Variants in ABCA4 observed in about 807,000 individuals in gnomAD.
ABCA4 encodes the protein ATP binding cassette subfamily A member 4.
In ABCA4, 196 loss-of-function variants were observed where a neutral mutation model predicts 263.7. The ratio of observed to expected loss-of-function variants is 0.74; its 90% CI spans 0.66 to 0.84. ABCA4 has a LOEUF of 0.84. Ranked by LOEUF, ABCA4 falls within the 40% of genes least tolerant of loss-of-function variation. The pLI is 0.00. For missense variants in ABCA4, 2,792 were observed against 2,855.1 expected (o/e 0.98, Z 0.50); for synonymous variants, 1,133 against 1,094.2 (o/e 1.04, Z -0.70).
At chr1:94,120,908 A>ACCCCCCCCCC in intron 1 of ABCA4, 72 bp downstream of exon 1, 1 of 171,162 alleles carries the variant, frequency 5.8e-6, no homozygotes, top group African/African-American at 1.5e-4. Flanking sequence ...CTACCCCACC[A>ACCCCCCCCCC]CCCCACCCCA....
In ABCA4 at chr1:94,024,979, T is replaced by G. The variant is rs1401129783; in HGVS notation, c.4609A>C (p.Thr1537Pro). 1 of 1,614,140 alleles carries G rather than the reference T, an allele frequency of 6.2e-7. No homozygotes were observed. ...CTGCTTCTTATAAGAGCAGGATACG[T>G]TTTTACCAAGAAGTCGGAGATGTTC... ...DRNISDFLVK[T>P]YPALIRSSLK... The change falls in exon 31 of 50, where the codon ACG becomes CCG. Residue 1537 changes from threonine (T) to proline (P), a missense_variant. Thr to Pro is a conservative substitution (Grantham distance 38). Coordinates refer to ENST00000370225, the MANE Select transcript of ABCA4 (RefSeq NM_000350.3).
In ABCA4 at chr1:94,015,794, C is replaced by G; in HGVS notation, c.5257G>C (p.Ala1753Pro). Residue 1753 changes from alanine (A) to proline (P), a missense_variant, in exon 37 of 50, where the codon GCC (alanine) becomes CCC (proline). Transcript: ENST00000370225. ...VGIFIGFQKK[A>P]YTSPENLPAL... is the part of the protein sequence containing the mutation. ...GGAAGGTTTTCTGGAGAAGTGTAGG[C>G]TTTCTTCTGAAACCCGATGAAGATG... 2.5e-6 allele frequency: 4 copies of G among 1,613,952 alleles called. No homozygotes were observed. The highest frequency in any genetic ancestry group is 3.4e-6 in the Non-Finnish European group (4 of 1,180,002).
chr1:94,049,042 G>T, intron 17 of ABCA4, 85 bp from the exon 18 acceptor site: 1 of 1,346,092 alleles, frequency 7.4e-7, no homozygotes, highest in Non-Finnish European at 1.1e-6. Context: ...GGTACAGGGA[G>T]CAAATGAGTT....
In ABCA4 at chr1:93,992,888, G is replaced by A. The variant is rs772619772; in HGVS notation, c.*349C>T. 1.3e-5 allele frequency: 5 copies of A among 378,832 alleles called. No individual in the cohort carries two copies. Among genetic ancestry groups the A allele is most frequent in the African/African-American group, 4.1e-5 (2 of 48,698 alleles). The allele number at this position is 378,832 out of a possible 1,614,324, so 23.5% of individuals were successfully genotyped here. Reference sequence around the variant, plus strand: ...TTTTTCCATGAAAATCACACACAACGCAGACACACAGACAAACATGCAGAA... The same window carrying A: ...TTTTTCCATGAAAATCACACACAACACAGACACACAGACAAACATGCAGAA... On this transcript the variant is annotated 3_prime_UTR_variant, in exon 50 of 50. Coordinates refer to ENST00000370225, the MANE Select transcript of ABCA4 (RefSeq NM_000350.3).
At chr1:94,008,334 C>T (rs754915463) in intron 41 of ABCA4, 37 bp from the exon 42 acceptor site, 2 of 1,603,774 alleles carry the variant, frequency 1.2e-6, no homozygotes, top group Non-Finnish European at 8.5e-7. Context: ...AGAACTGAGA[C>T]AGGGTGAGAG....
chr1:94,009,666 C>T (rs1353552219), intron 40 of ABCA4, among the ~76,000 whole-genome samples: 1 of 152,234 alleles, frequency 6.6e-6, no homozygotes, highest in Non-Finnish European at 1.5e-5. Context: ...TTCTTTGAAA[C>T]CCTCCCTGAC....
intron 4 of ABCA4, among the ~76,000 whole-genome samples, chr1:94,106,873 C>T (rs1662450727): frequency 6.6e-6 from 1 of 152,124 alleles, no homozygotes; most frequent in South Asian, 2.1e-4. Context: ...CCACTGGGCC[C>T]CACACGCGCT....
intron 36 of ABCA4, chr1:94,018,453 C>A: frequency 2.4e-6 from 1 of 425,156 alleles, no homozygotes; most frequent in South Asian, 1.7e-5. Context: ...CTCGTGTAGA[C>A]AGAAGAGAGA....
Position 94,040,136 on chromosome 1 carries a change from G to C in ABCA4, c.3523-9C>G, listed in dbSNP as rs374302531. ...GAGCAGCTGCAGGTCCCCTGCAACA[G>C]ATGGATGGGATGACTGACAAGATGC... is the stretch of plus-strand genomic sequence containing the variant. On this transcript the variant is annotated splice_polypyrimidine_tract_variant and intron_variant, in intron 23 of 49. Transcript: ENST00000370225. 7.2e-5 allele frequency: 115 copies of C among 1,597,938 alleles called. No individual in the cohort carries two copies. The highest frequency in any genetic ancestry group is 9.5e-5 in the Non-Finnish European group (111 of 1,169,954).
At chr1:94,089,011 G>T (rs1475074857) in intron 6 of ABCA4, among the ~76,000 whole-genome samples, 1 of 152,180 alleles carries the variant, frequency 6.6e-6, no homozygotes, top group Non-Finnish European at 1.5e-5. Flanking sequence ...CCATGGCCAT[G>T]TGGACAATCT....
intron 43 of ABCA4, among the ~76,000 whole-genome samples, chr1:94,005,887 G>T (rs552806227): frequency 2.5e-4 from 38 of 152,310 alleles, no homozygotes; most frequent in South Asian, 1.0e-3. Flanking sequence ...GGGAAGATCA[G>T]GTTTAAGAAA....
intron 40 of ABCA4, chr1:94,010,581 G>A (rs993992583): frequency 2.4e-4 from 164 of 693,264 alleles, no homozygotes; most frequent in Non-Finnish European, 3.8e-4. Flanking sequence ...TAATAGCACT[G>A]CATTTTAAAT....
Position 94,095,937 on chromosome 1 carries a change from C to T in ABCA4, c.768+2857G>A, listed in dbSNP as rs4147821. 1.2e-4 allele frequency among the ~76,000 whole-genome samples: 18 copies of T among 151,912 alleles called. 1 individual carries two copies. In the East Asian group the frequency reaches 3.5e-3, roughly 30 times the overall value. ...CTCCGTGGTTAACTGAGGCCGACTA[C>T]GGCAGAGCTTTCTCCTCTGGGCCAT... On this transcript the variant is annotated intron_variant, in intron 6 of 49. Transcript: ENST00000370225.
chr1:94,032,023 C>T lies in ABCA4; in HGVS notation c.3883G>A (p.Glu1295Lys), dbSNP rs1454362352. The change falls in exon 27 of 50, where the codon GAA (glutamate) becomes AAA (lysine). Residue 1295 changes from glutamate (E) to lysine (K), a missense_variant. Transcript: ENST00000370225. ...CAGGGGTGTCGGGGGTTGACGTTTT[C>T]TCTTTTCTGCTGAGCGCCACCTGTT... is the stretch of plus-strand genomic sequence containing the variant. ...LFAGGAQQKR[E>K]NVNPRHPCLG... is the part of the protein sequence containing the mutation. 14 of 1,612,404 alleles carry T rather than the reference C, an allele frequency of 8.7e-6. No homozygotes were observed. The highest frequency in any genetic ancestry group is 1.1e-5 in the South Asian group (1 of 91,070).
intron 38 of ABCA4, 130 bp downstream of exon 38, chr1:94,014,413 G>A: frequency 9.7e-7 from 1 of 1,029,466 alleles, no homozygotes; most frequent in Non-Finnish European, 1.5e-6. Flanking sequence ...GTCGGGGGTA[G>A]GGAGGAAGAA....
intron 5 of ABCA4, 108 bp from the exon 6 acceptor site, chr1:94,099,099 A>G: frequency 1.6e-6 from 2 of 1,244,006 alleles, no homozygotes; most frequent in Non-Finnish European, 2.3e-6. Context: ...GACAGGAATT[A>G]AGATCGCAGA....
At chr1:94,081,093 C>T (rs918711434) in intron 7 of ABCA4, among the ~76,000 whole-genome samples, 12 of 152,054 alleles carry the variant, frequency 7.9e-5, no homozygotes, top group Non-Finnish European at 1.5e-4. Flanking sequence ...GACATGGTGG[C>T]GGGCCCCTGT....
chr1:94,053,477 T>G (rs957095280), intron 16 of ABCA4, among the ~76,000 whole-genome samples: 1 of 152,230 alleles, frequency 6.6e-6, no homozygotes, highest in African/African-American at 2.4e-5. Flanking sequence ...CCCAGGTACC[T>G]CATAATGTGG....
intron 6 of ABCA4, among the ~76,000 whole-genome samples, chr1:94,097,422 A>G (rs993491943): frequency 1.9e-4 from 29 of 152,304 alleles, no homozygotes; most frequent in African/African-American, 6.7e-4. Context: ...GACTTGAGAG[A>G]GCAGTCATGA....
Sources: gnomAD v4.1 joint callset for allele counts (sites outside exome capture counted in the v4.1 genomes callset) on GRCh38, gnomAD v4.1.1 for gene constraint, MANE v1.5 for transcripts, NCBI Gene and HGNC (gene_info 2026-07-23, HGNC 2026-07-21) for gene names.